CACNA2D3: variants seen among roughly 807,000 people sequenced by gnomAD.
The protein encoded by CACNA2D3 is voltage-dependent calcium channel subunit alpha-2/delta-3.
CACNA2D3 carries 60 observed loss-of-function variants against 160.6 expected under a neutral mutation model. The ratio of observed to expected loss-of-function variants is 0.37; its 90% CI spans 0.30 to 0.46. The LOEUF (loss-of-function observed/expected upper bound fraction) is 0.46. Ranked by LOEUF, CACNA2D3 falls within the 20% of genes least tolerant of loss-of-function variation. The probability of loss-of-function intolerance (pLI) is 1.00; values close to 1 mark genes in which losing one functional copy is unlikely to be tolerated. For missense variants in CACNA2D3, 1,205 were observed against 1,365.0 expected, an observed-to-expected ratio of 0.88 and a Z score of 1.85; for synonymous variants, 558 against 492.9, an observed-to-expected ratio of 1.13 and a Z score of -1.75.
intron 13 of CACNA2D3, among the ~76,000 whole-genome samples, chr3:54,795,890 G>A (rs1575479474): frequency 1.3e-5 from 2 of 152,290 alleles, no homozygotes; most frequent in East Asian, 3.9e-4. Flanking sequence ...AAATTCCACT[G>A]AAAATACACA....
At position 54,300,462 on chromosome 3, in the gene CACNA2D3, C is replaced by T. The variant is rs139327556; in HGVS notation, c.205-19980C>T. ...ATTTTCTAATGCTCTATAGCTTCTT[C>T]GCCTTCAGGATGTGGGCTGTGCTGC... is the stretch of plus-strand genomic sequence containing the variant. On this transcript the variant is annotated intron_variant, in intron 2 of 37. Transcript: ENST00000474759. 7.2e-5 allele frequency among the ~76,000 whole-genome samples: 11 copies of T among 152,344 alleles called. No homozygotes were observed. The East Asian group carries it at 2.1e-3, about 29-fold the overall frequency.
At chr3:54,786,669 A>G (rs1028469644) in intron 13 of CACNA2D3, among the ~76,000 whole-genome samples, 1 of 152,248 alleles carries the variant, frequency 6.6e-6, no homozygotes, top group Non-Finnish European at 1.5e-5. Flanking sequence ...AAATCTTAAA[A>G]AACTGTGAAT....
chr3:55,074,213 CTGAGATGTTCTCTTACT>C lies in CACNA2D3; in HGVS notation c.*8_*24del. On this transcript the variant is annotated 3_prime_UTR_variant, in exon 38 of 38. Transcript: ENST00000474759. ...GATGCTCTTCTCAAGGTGACACTGA[CTGAGATGTTCTCTTACT>C]GACTGAGATGTTCTCTTGGCATGCT... 1 of 1,019,282 alleles carries C rather than the reference CTGAGATGTTCTCTTACT, an allele frequency of 9.8e-7. No individual in the cohort carries two copies. 63.1% of individuals were successfully genotyped at this position (1,019,282 alleles called of 1,614,324 possible).
At chr3:54,198,220 A>T (rs903065968) in intron 2 of CACNA2D3, among the ~76,000 whole-genome samples, 1 of 152,208 alleles carries the variant, frequency 6.6e-6, no homozygotes, top group Non-Finnish European at 1.5e-5. Flanking sequence ...CCATCCTCTA[A>T]TAGGCTCCTT....
intron 4 of CACNA2D3, among the ~76,000 whole-genome samples, chr3:54,461,388 T>C (rs925041060): frequency 7.9e-5 from 12 of 151,486 alleles, no homozygotes; most frequent in African/African-American, 2.9e-4. Context: ...AGAATTCGGC[T>C]GTGAATCCAT....
chr3:55,026,995 A>G (rs1047050891), intron 35 of CACNA2D3, among the ~76,000 whole-genome samples: 7 of 152,162 alleles, frequency 4.6e-5, no homozygotes, highest in African/African-American at 9.7e-5. Context: ...ATGCACGCAC[A>G]CACACACACA....
At chr3:54,570,173 A>G in intron 8 of CACNA2D3, 69 bp downstream of exon 8, 4 of 1,481,000 alleles carry the variant, frequency 2.7e-6, no homozygotes, top group South Asian at 1.2e-5. Flanking sequence ...ACTGGTTAAC[A>G]TTGCTCTCGC....
intron 11 of CACNA2D3, among the ~76,000 whole-genome samples, chr3:54,660,405 C>T (rs569914641): frequency 6.6e-6 from 1 of 152,266 alleles, no homozygotes; most frequent in Admixed American, 6.5e-5. Context: ...TGTGATCCAC[C>T]CGCCTCGGCC....
At chr3:54,123,299 CTCCGCGA>C (rs1371404950) in intron 1 of CACNA2D3, among the ~76,000 whole-genome samples, 2 of 135,504 alleles carry the variant, frequency 1.5e-5, no homozygotes, top group Non-Finnish European at 3.4e-5. Context: ...GCATTCTTAA[CTCCGCGA>C]CCCCCCTCGG....
chr3:54,767,488 T>C (rs940749509), intron 13 of CACNA2D3, among the ~76,000 whole-genome samples: 1 of 152,144 alleles, frequency 6.6e-6, no homozygotes, highest in Non-Finnish European at 1.5e-5. Context: ...GATCTGCCTA[T>C]GGGATTAGAC....
intron 10 of CACNA2D3, among the ~76,000 whole-genome samples, chr3:54,635,857 G>T (rs1026766217): frequency 5.9e-5 from 9 of 152,006 alleles, no homozygotes; most frequent in South Asian, 4.1e-4. Context: ...CTAAAATGAG[G>T]AATTATGTCT....
At chr3:54,459,941 A>T (rs1382952287) in intron 4 of CACNA2D3, among the ~76,000 whole-genome samples, 5 of 152,110 alleles carry the variant, frequency 3.3e-5, no homozygotes, top group Non-Finnish European at 7.4e-5. Flanking sequence ...TCTTGAATTA[A>T]TTTTTTGTAT....
chr3:54,726,703 C>G (rs866548388), intron 11 of CACNA2D3, among the ~76,000 whole-genome samples: 8 of 152,294 alleles, frequency 5.3e-5, no homozygotes, highest in African/African-American at 1.9e-4. Context: ...GTAAAACTGG[C>G]TAGCCATATG....
chr3:54,676,786 C>T (rs1337259784), intron 11 of CACNA2D3, among the ~76,000 whole-genome samples: 1 of 152,038 alleles, frequency 6.6e-6, no homozygotes, highest in Non-Finnish European at 1.5e-5. Flanking sequence ...AAATAAAGTT[C>T]GATTTAGATT....
intron 13 of CACNA2D3, among the ~76,000 whole-genome samples, chr3:54,813,128 A>G (rs1465012): frequency 0.37 from 55,821 of 152,034 alleles, 11,104 homozygotes; most frequent in Non-Finnish European, 0.46. Context: ...GCACACCACA[A>G]CTTTTTTCTT....
intron 27 of CACNA2D3, among the ~76,000 whole-genome samples, chr3:54,914,127 A>C (rs1211390859): frequency 6.6e-6 from 1 of 152,208 alleles, no homozygotes; most frequent in Admixed American, 6.5e-5. Flanking sequence ...GTCTGCAGTT[A>C]ATTCTGTGCA....
chr3:54,755,758 T>C (rs2107076790), intron 12 of CACNA2D3, among the ~76,000 whole-genome samples: 1 of 152,310 alleles, frequency 6.6e-6, no homozygotes, highest in Admixed American at 6.5e-5. Context: ...AGCTATACTT[T>C]TCCCATTTTT....
intron 27 of CACNA2D3, among the ~76,000 whole-genome samples, chr3:54,966,719 T>C (rs1355801183): frequency 6.6e-6 from 1 of 152,124 alleles, no homozygotes; most frequent in African/African-American, 2.4e-5. Flanking sequence ...CTCGGGAGGC[T>C]GAGGCATGAG....
intron 34 of CACNA2D3, among the ~76,000 whole-genome samples, chr3:55,017,253 T>G (rs894566502): frequency 6.6e-6 from 1 of 152,146 alleles, no homozygotes; most frequent in Non-Finnish European, 1.5e-5. Flanking sequence ...AGCATCCCCA[T>G]TTTACAGGTG....
Sources: allele counts gnomAD v4.1 joint callset (sites outside exome capture counted in the v4.1 genomes callset), GRCh38; gene constraint gnomAD v4.1.1; transcripts MANE v1.5; gene names NCBI Gene and HGNC (gene_info 2026-07-23, HGNC 2026-07-21).